Variants in RASEF observed in about 807,000 individuals in gnomAD.
RASEF encodes RAS and EF-hand domain containing.
In RASEF, 68 loss-of-function variants were observed where a neutral mutation model predicts 90.1. That is an observed-to-expected ratio of 0.75 (90% CI 0.62 to 0.92). The LOEUF is 0.92. Ranked by LOEUF, RASEF falls within the 40% of genes least tolerant of loss-of-function variation. RASEF has a pLI of 0.00. For missense variants in RASEF, 949 were observed against 937.2 expected, an observed-to-expected ratio of 1.01 and a Z score of -0.16; for synonymous variants, 331 against 345.2, an observed-to-expected ratio of 0.96 and a Z score of 0.46.
intron 1 of RASEF, among the ~76,000 whole-genome samples, chr9:83,032,955 C>G (rs1026152435): frequency 6.6e-6 from 1 of 152,080 alleles, no homozygotes; most frequent in Non-Finnish European, 1.5e-5. Context: ...CTCTGGGAAC[C>G]AGTTAAGTAC....
the RASEF span, among the ~76,000 whole-genome samples, chr9:83,157,269 A>G: frequency 2.6e-5 from 4 of 152,364 alleles, no homozygotes; most frequent in East Asian, 7.7e-4. Flanking sequence ...TCTACTGTCT[A>G]CATATTCTTG....
chr9:83,147,893 G>A, the RASEF span, among the ~76,000 whole-genome samples: 8 of 152,028 alleles, frequency 5.3e-5, no homozygotes, highest in Middle Eastern at 3.4e-3. Flanking sequence ...ACTCCTCTCC[G>A]ACCATCCCCA....
the RASEF span, among the ~76,000 whole-genome samples, chr9:83,097,335 T>C: frequency 1.3e-5 from 2 of 152,168 alleles, no homozygotes; most frequent in African/African-American, 4.8e-5. Context: ...CTAACTGGTG[T>C]GGCATGGGCA....
At chr9:83,192,315 T>A in the RASEF span, among the ~76,000 whole-genome samples, 1,931 of 152,274 alleles carry the variant, frequency 0.013, 41 homozygotes, top group African/African-American at 0.044. Flanking sequence ...TAAATGCCCA[T>A]CAATGGTAGA....
At chr9:83,072,468 C>T in the RASEF span, among the ~76,000 whole-genome samples, 9 of 152,256 alleles carry the variant, frequency 5.9e-5, no homozygotes, top group South Asian at 2.1e-4. Flanking sequence ...TTGACTCACA[C>T]GATCACAAGG....
the RASEF span, among the ~76,000 whole-genome samples, chr9:83,153,892 T>G: frequency 6.6e-6 from 1 of 152,216 alleles, no homozygotes; most frequent in African/African-American, 2.4e-5. Context: ...GTCAGGATAT[T>G]TCTCCCAGCC....
chr9:83,062,444 T>G lies in RASEF; in HGVS notation c.424A>C (p.Ile142Leu), dbSNP rs1469710146. The stretch of plus-strand genomic sequence containing the variant: ...CCCAGCTCACACTCGCACCTGGGAA[T>G]GAACTTGGCTTCGTCCCCAAGTCGC... The part of the protein sequence containing the change: ...QARLGDEAKF[I>L]PREEQVSTLY... Residue 142 changes from isoleucine to leucine, a missense_variant, in exon 1 of 17, where the codon ATT (isoleucine) becomes CTT (leucine). Around this residue, in one of 3 missense-constraint regions of RASEF, gnomAD observed 656 missense variants for 592.2 expected, o/e 1.11. Transcript: ENST00000376447. The G allele has an allele frequency of 1.2e-6, 2 of 1,612,862 alleles. No homozygotes were observed. The highest frequency in any genetic ancestry group is 1.7e-6 in the Non-Finnish European group (2 of 1,179,612).
At chr9:83,193,220 C>T in the RASEF span, among the ~76,000 whole-genome samples, 1 of 151,388 alleles carries the variant, frequency 6.6e-6, no homozygotes, top group Non-Finnish European at 1.5e-5. Context: ...TCCCAATATA[C>T]CTTAACCATC....
chr9:83,025,979 A>C, intron 1 of RASEF, 58 bp from the exon 2 acceptor site: 5 of 1,274,034 alleles, frequency 3.9e-6, no homozygotes, highest in Non-Finnish European at 4.3e-6. Context: ...GCAACTCTGC[A>C]GGGGGCTTTT....
At position 83,045,290 on chromosome 9, in the gene RASEF, T is replaced by C. The variant is rs558392292; in HGVS notation, c.431+17147A>G. Among the ~76,000 whole-genome samples the C allele has an allele frequency of 1.4e-4, 22 of 152,328 alleles. No homozygotes were observed. In the South Asian group the frequency reaches 4.6e-3, roughly 32 times the overall value. ...GCACTTTCATTGGGGCTAATCAATG[T>C]AGACCAATGTACCAGCTTCACAGTG... On this transcript the variant is annotated intron_variant, in intron 1 of 16. Transcript: ENST00000376447.
At chr9:82,997,539 T>C (rs1828944817) in intron 13 of RASEF, among the ~76,000 whole-genome samples, 2 of 152,082 alleles carry the variant, frequency 1.3e-5, no homozygotes, top group South Asian at 4.1e-4. Flanking sequence ...GGGAGTATTG[T>C]GGGTGGATGG....
intron 1 of RASEF, among the ~76,000 whole-genome samples, chr9:83,039,201 G>A (rs922716129): frequency 2.0e-5 from 3 of 152,058 alleles, no homozygotes; most frequent in Non-Finnish European, 4.4e-5. Context: ...ACCTCTGAAA[G>A]TCGGCCCTGA....
the RASEF span, among the ~76,000 whole-genome samples, chr9:83,177,774 G>A: frequency 6.6e-6 from 1 of 152,110 alleles, no homozygotes; most frequent in South Asian, 2.1e-4. Context: ...TCTTGGATAT[G>A]AGATGAACAT....
the RASEF span, among the ~76,000 whole-genome samples, chr9:83,142,528 A>G: frequency 6.6e-6 from 1 of 152,254 alleles, no homozygotes; most frequent in Non-Finnish European, 1.5e-5. Flanking sequence ...ATCTTCAGTG[A>G]CAGGCAAGTA....
the RASEF span, among the ~76,000 whole-genome samples, chr9:83,178,752 C>A: frequency 1.3e-5 from 2 of 152,268 alleles, no homozygotes; most frequent in Non-Finnish European, 2.9e-5. Context: ...GTCCAGCCAC[C>A]TAAACTAGGA....
At chr9:83,209,388 G>C in the RASEF span, among the ~76,000 whole-genome samples, 23 of 152,374 alleles carry the variant, frequency 1.5e-4, no homozygotes, top group Admixed American at 1.5e-3. Context: ...TGTGCAGTCT[G>C]TATGGGAGGT....
chr9:83,092,003 C>CTTTTTTTTTTTTTTTTTTTTT, the RASEF span, among the ~76,000 whole-genome samples: 64 of 35,922 alleles, frequency 1.8e-3, 1 homozygote, highest in South Asian at 3.8e-3. Context: ...TCTTTTATTT[C>CTTTTTTTTTTTTTTTTTTTTT]TTTTTTTTTT....
the RASEF span, among the ~76,000 whole-genome samples, chr9:83,116,751 C>T: frequency 6.6e-6 from 1 of 151,948 alleles, no homozygotes. Flanking sequence ...GTGATTCCCA[C>T]TTTTTTTTCT....
At chr9:83,127,246 A>T in the RASEF span, among the ~76,000 whole-genome samples, 1 of 152,220 alleles carries the variant, frequency 6.6e-6, no homozygotes, top group Non-Finnish European at 1.5e-5. Context: ...AATAACTATG[A>T]TTTCTATTGG....
Sources: allele counts gnomAD v4.1 joint callset (sites outside exome capture counted in the v4.1 genomes callset), GRCh38; gene constraint gnomAD v4.1.1; regional missense constraint gnomAD v4.1.1; transcripts MANE v1.5; gene names NCBI Gene and HGNC (gene_info 2026-07-23, HGNC 2026-07-21).